Variants in ADGRB3 observed in about 807,000 individuals in gnomAD.
ADGRB3 encodes the protein adhesion G protein-coupled receptor B3, also known as brain-specific angiogenesis inhibitor 3.
Under a neutral mutation model 193.4 loss-of-function variants are expected in ADGRB3, and 37 were observed. That is an observed-to-expected ratio of 0.19 (90% CI 0.15 to 0.25). ADGRB3 has a LOEUF of 0.25. ADGRB3 is among the 10% of genes least tolerant of loss of function. The pLI is 1.00. For synonymous variants in ADGRB3, 690 were observed against 644.2 expected, an observed-to-expected ratio of 1.07 and a Z score of -1.08; for missense variants, 1,637 against 1,852.9, an observed-to-expected ratio of 0.88 and a Z score of 2.14.
intron 3 of ADGRB3, among the ~76,000 whole-genome samples, chr6:68,878,105 T>A (rs916714360): frequency 5.9e-5 from 9 of 152,098 alleles, no homozygotes; most frequent in African/African-American, 2.2e-4. Flanking sequence ...AACTTAAAAT[T>A]ACTTTCTTTT....
intron 3 of ADGRB3, among the ~76,000 whole-genome samples, chr6:68,846,778 T>C (rs1768284673): frequency 6.6e-6 from 1 of 152,128 alleles, no homozygotes; most frequent in African/African-American, 2.4e-5. Flanking sequence ...GCTAGGACAA[T>C]GTGGAAGGGA....
chr6:68,708,460 C>T (rs1415600489), intron 3 of ADGRB3, among the ~76,000 whole-genome samples: 3 of 152,130 alleles, frequency 2.0e-5, no homozygotes, highest in Non-Finnish European at 4.4e-5. Context: ...TTTCTATTCC[C>T]TGTCCTCGAG....
Position 69,261,669 on chromosome 6 carries a change from G to A in ADGRB3, c.2814+22443G>A, listed in dbSNP as rs74317260. Among the ~76,000 whole-genome samples the A allele has an allele frequency of 6.5e-3, 990 of 152,006 alleles. 9 individuals carry two copies. The highest frequency in any genetic ancestry group is 0.023 in the African/African-American group (934 of 41,502). Reference sequence around the variant, plus strand: ...ATAGAATTATCTTCTAAACTATTTTGTGCAATAATATGTAACATTTGGGTA... The same window carrying A: ...ATAGAATTATCTTCTAAACTATTTTATGCAATAATATGTAACATTTGGGTA... On this transcript the variant is annotated intron_variant, in intron 20 of 31. Transcript: ENST00000370598.
intron 3 of ADGRB3, among the ~76,000 whole-genome samples, chr6:68,713,084 T>A (rs1346896815): frequency 1.3e-5 from 2 of 151,854 alleles, no homozygotes; most frequent in Non-Finnish European, 2.9e-5. Flanking sequence ...ATCAGCAGAT[T>A]TTTTTACTTC....
chr6:68,714,394 G>A (rs956368604), intron 3 of ADGRB3, among the ~76,000 whole-genome samples: 7 of 151,746 alleles, frequency 4.6e-5, no homozygotes, highest in African/African-American at 1.7e-4. Context: ...TATGGTGACA[G>A]TGGGATGGCT....
intron 3 of ADGRB3, among the ~76,000 whole-genome samples, chr6:68,891,420 T>A (rs1469231726): frequency 6.6e-6 from 1 of 152,164 alleles, no homozygotes; most frequent in Non-Finnish European, 1.5e-5. Context: ...TTAAGACTAA[T>A]GTAACAATGC....
chr6:68,819,821 A>C (rs142327398), intron 3 of ADGRB3, among the ~76,000 whole-genome samples: 272 of 152,146 alleles, frequency 1.8e-3, no homozygotes, highest in African/African-American at 6.2e-3. Context: ...CTTCTCTTTT[A>C]TTTTGCTGTT....
chr6:69,316,966 C>G (rs949051753), intron 20 of ADGRB3, among the ~76,000 whole-genome samples: 2 of 151,354 alleles, frequency 1.3e-5, no homozygotes, highest in African/African-American at 4.8e-5. Flanking sequence ...TGTAGAGATA[C>G]TAAATATGGA....
At chr6:68,788,431 A>G (rs1406151752) in intron 3 of ADGRB3, among the ~76,000 whole-genome samples, 2 of 152,020 alleles carry the variant, frequency 1.3e-5, no homozygotes, top group Admixed American at 6.6e-5. Flanking sequence ...TCATTCAGGA[A>G]CAGGTTGTTG....
At chr6:69,344,436 C>T (rs1769042445) in intron 26 of ADGRB3, among the ~76,000 whole-genome samples, 2 of 152,248 alleles carry the variant, frequency 1.3e-5, no homozygotes, top group Non-Finnish European at 2.9e-5. Flanking sequence ...CTTATTATTT[C>T]CACAAGGCGT....
chr6:69,232,345 A>C (rs1390296193), intron 17 of ADGRB3: 4 of 1,277,002 alleles, frequency 3.1e-6, no homozygotes, highest in Admixed American at 3.2e-5. Context: ...CATCCCCCCC[A>C]CCACGAACAA....
intron 17 of ADGRB3, among the ~76,000 whole-genome samples, chr6:69,146,013 C>A (rs1276831517): frequency 1.3e-5 from 2 of 152,188 alleles, no homozygotes; most frequent in Admixed American, 1.3e-4. Flanking sequence ...ACCAGCCCAG[C>A]CTCCAGGCTT....
At chr6:69,339,171 G>C (rs961287661) in intron 25 of ADGRB3, among the ~76,000 whole-genome samples, 157 bp downstream of exon 25, 1 of 151,608 alleles carries the variant, frequency 6.6e-6, no homozygotes, top group Admixed American at 6.6e-5. Context: ...TTGTGGGATA[G>C]TATATAAAAA....
chr6:68,913,668 C>T (rs1203070077), intron 3 of ADGRB3, among the ~76,000 whole-genome samples: 1 of 152,182 alleles, frequency 6.6e-6, no homozygotes, highest in African/African-American at 2.4e-5. Context: ...AGTTCCTCAC[C>T]AGCAACGGAA....
chr6:69,338,208 A>G (rs939480030), intron 24 of ADGRB3, among the ~76,000 whole-genome samples: 1 of 152,132 alleles, frequency 6.6e-6, no homozygotes, highest in Admixed American at 6.6e-5. Flanking sequence ...AAATACTAGG[A>G]GGTTGGAGTC....
At chr6:68,755,221 A>G (rs751614623) in intron 3 of ADGRB3, among the ~76,000 whole-genome samples, 8 of 152,152 alleles carry the variant, frequency 5.3e-5, no homozygotes, top group Admixed American at 1.3e-4. Flanking sequence ...GAATATTTAT[A>G]GATATGATTG....
intron 23 of ADGRB3, chr6:69,332,559 C>T (rs1768752912): frequency 2.0e-6 from 2 of 985,370 alleles, no homozygotes; most frequent in Non-Finnish European, 2.4e-6. Context: ...TCTCCTGGCT[C>T]ATGGGCATAG....
At chr6:68,830,955 TA>T (rs35545206) in intron 3 of ADGRB3, among the ~76,000 whole-genome samples, 13 of 145,550 alleles carry the variant, frequency 8.9e-5, no homozygotes, top group East Asian at 6.0e-4. Context: ...CAGAACAACT[TA>T]AAAAAAAAAA....
chr6:68,920,193 T>C (rs1307428943), intron 3 of ADGRB3, among the ~76,000 whole-genome samples: 1 of 152,042 alleles, frequency 6.6e-6, no homozygotes, highest in Non-Finnish European at 1.5e-5. Flanking sequence ...GACACACTGA[T>C]AAAATTTCAA....
Sources: gnomAD v4.1 joint callset for allele counts (sites outside exome capture counted in the v4.1 genomes callset) on GRCh38, gnomAD v4.1.1 for gene constraint, MANE v1.5 for transcripts, NCBI Gene and HGNC (gene_info 2026-07-23, HGNC 2026-07-21) for gene names.